The following DUSP22 variants were observed in gnomAD, a reference collection of about 807,000 sequenced individuals.
The protein encoded by DUSP22 is dual specificity phosphatase 22.
In DUSP22, 24 loss-of-function variants were observed where a neutral mutation model predicts 24.5. That is an observed-to-expected ratio of 0.98 (90% CI 0.71 to 1.38). DUSP22 has a LOEUF of 1.38. DUSP22 is among the 40% of genes most tolerant of loss of function. The pLI, the probability that DUSP22 is intolerant of heterozygous loss-of-function variation, is 0.00. For missense variants in DUSP22, 330 were observed against 269.2 expected (o/e 1.23, Z -1.58); for synonymous variants, 160 against 106.4 (o/e 1.50, Z -3.10).
chr6:350,653 T>TAA lies in DUSP22; in HGVS notation c.*1704_*1705dup. On this transcript the variant is annotated 3_prime_UTR_variant, in exon 7 of 7. Coordinates refer to ENST00000419235, the MANE Select transcript of DUSP22 (RefSeq NM_001286555.3). ...GTCTACAGCTAAAACAATTTGCCAA[T>TAA]AAAGTACATGTTTTTCCTAAGCCAA... The TAA allele has an allele frequency of 6.7e-7, 1 of 1,502,820 alleles. No individual in the cohort carries two copies. The highest frequency in any genetic ancestry group is 8.9e-7 in the Non-Finnish European group (1 of 1,126,576). 93.1% of individuals were successfully genotyped at this position (1,502,820 alleles called of 1,614,324 possible). A position where few individuals can be genotyped will look rare whatever the true frequency, so the allele number is the denominator to read the frequency against.
At chr6:332,817 G>A (rs1239313804) in intron 3 of DUSP22, among the ~76,000 whole-genome samples, 2 of 152,298 alleles carry the variant, frequency 1.3e-5, no homozygotes, top group African/African-American at 4.8e-5. Flanking sequence ...AAGGGAAGGT[G>A]GGAACTTGAG....
intron 1 of DUSP22, among the ~76,000 whole-genome samples, chr6:302,796 G>T (rs1193272442): frequency 6.6e-6 from 1 of 152,298 alleles, no homozygotes; most frequent in African/African-American, 2.4e-5. Flanking sequence ...CTCTATTCGA[G>T]ACCATCACAA....
chr6:311,403 G>GGGCGCGGTGGCTC (rs1308548978), intron 2 of DUSP22, among the ~76,000 whole-genome samples: 1 of 152,308 alleles, frequency 6.6e-6, no homozygotes, highest in Admixed American at 6.5e-5. Context: ...AGGCAAGGCC[G>GGGCGCGGTGGCTC]GGCGCGGTGG....
At chr6:342,819 T>A (rs1759671702) in intron 4 of DUSP22, among the ~76,000 whole-genome samples, 1 of 152,308 alleles carries the variant, frequency 6.6e-6, no homozygotes, top group Non-Finnish European at 1.5e-5. Context: ...TTTCCATTGC[T>A]TCAACATGGA....
chr6:338,236 C>T (rs1204763441), intron 4 of DUSP22, among the ~76,000 whole-genome samples: 1 of 152,304 alleles, frequency 6.6e-6, no homozygotes, highest in African/African-American at 2.4e-5. Flanking sequence ...GCTTGCTGTA[C>T]TAAAGTTATG....
intron 3 of DUSP22, among the ~76,000 whole-genome samples, chr6:329,110 G>T (rs1460756072): frequency 6.6e-6 from 1 of 152,300 alleles, no homozygotes; most frequent in African/African-American, 2.4e-5. Context: ...AAGACACCTT[G>T]CAAAGAGGAG....
chr6:322,710 C>G (rs963125210), intron 3 of DUSP22, among the ~76,000 whole-genome samples: 1 of 151,696 alleles, frequency 6.6e-6, no homozygotes, highest in Non-Finnish European at 1.5e-5. Flanking sequence ...TTTCTTGTTC[C>G]GGGTCGGGAC....
chr6:331,061 C>G (rs1581177627), intron 3 of DUSP22, among the ~76,000 whole-genome samples: 3 of 152,426 alleles, frequency 2.0e-5, no homozygotes, highest in African/African-American at 7.2e-5. Flanking sequence ...CTTTCTTTGT[C>G]CTCATAGAAA....
chr6:328,881 C>T (rs914470978), intron 3 of DUSP22, among the ~76,000 whole-genome samples: 97 of 152,388 alleles, frequency 6.4e-4, no homozygotes, highest in African/African-American at 2.1e-3. Flanking sequence ...ACTTCCAGTA[C>T]TTAGTCCATA....
chr6:334,019 C>G (rs1223381180), intron 3 of DUSP22, among the ~76,000 whole-genome samples: 1 of 152,306 alleles, frequency 6.6e-6, no homozygotes, highest in Admixed American at 6.5e-5. Context: ...CACAGAAATT[C>G]CTAACAATAG....
chr6:308,058 G>A (rs566248171), intron 2 of DUSP22, among the ~76,000 whole-genome samples: 2 of 152,304 alleles, frequency 1.3e-5, no homozygotes, highest in African/African-American at 2.4e-5. Context: ...CGCTGGCACC[G>A]GGCCAAAGGT....
chr6:315,503 C>A (rs565222342), intron 3 of DUSP22, among the ~76,000 whole-genome samples: 1 of 152,428 alleles, frequency 6.6e-6, no homozygotes, highest in East Asian at 1.9e-4. Flanking sequence ...TCTGTTCTCT[C>A]CTAGCACGAC....
At chr6:304,555 G>T (rs1757734963) in intron 1 of DUSP22, 73 bp from the exon 2 acceptor site, 1 of 1,605,156 alleles carries the variant, frequency 6.2e-7, no homozygotes, top group East Asian at 2.2e-5. Context: ...CCTGCTGCTG[G>T]ATGAGGCCCC....
At chr6:332,414 G>A (rs1759180504) in intron 3 of DUSP22, among the ~76,000 whole-genome samples, 1 of 152,298 alleles carries the variant, frequency 6.6e-6, no homozygotes, top group South Asian at 2.1e-4. Context: ...TGGAGAGATA[G>A]CCTTTGCCGT....
At chr6:330,686 ACTCAGGCAGCT>A (rs1222658068) in intron 3 of DUSP22, among the ~76,000 whole-genome samples, 2 of 152,306 alleles carry the variant, frequency 1.3e-5, no homozygotes, top group African/African-American at 4.8e-5. Flanking sequence ...GAGAAGATGG[ACTCAGGCAGCT>A]CTAAGCTCTG....
Position 292,575 on chromosome 6 carries a change from C to A in DUSP22, c.21+15C>A, listed in dbSNP as rs768671525. 4 of 1,595,166 alleles carry A rather than the reference C, an allele frequency of 2.5e-6. No homozygotes were observed. In the Admixed American group the frequency reaches 5.3e-5, roughly 21 times the overall value. Reference sequence around the variant, plus strand: ...GGATGAACAAGGTAACGTCTTCCCTCGTTCGCGCTGGGTTTGCCTCCGCTC... The same window carrying A: ...GGATGAACAAGGTAACGTCTTCCCTAGTTCGCGCTGGGTTTGCCTCCGCTC... On this transcript the variant is annotated intron_variant, in intron 1 of 6. Coordinates refer to ENST00000419235, the MANE Select transcript of DUSP22 (RefSeq NM_001286555.3).
At chr6:300,642 G>T (rs956288284) in intron 1 of DUSP22, among the ~76,000 whole-genome samples, 1 of 152,304 alleles carries the variant, frequency 6.6e-6, no homozygotes, top group Non-Finnish European at 1.5e-5. Context: ...TCTCTGGAGG[G>T]TTCCTGGTTG....
At chr6:311,628 C>A (rs577403887) in intron 2 of DUSP22, among the ~76,000 whole-genome samples, 34 of 152,280 alleles carry the variant, frequency 2.2e-4, no homozygotes, top group African/African-American at 8.2e-4. Context: ...TGCAGTGAGC[C>A]GAGATGGCGC....
rs756875886 is a variant in DUSP22 at position 348,748 on chromosome 6, G to A, written c.436-21G>A. The stretch of plus-strand genomic sequence containing the variant: ...CGTGCACATGTGTGTGACGTTTCGG[G>A]TTTGTTTCCATCCTCTCCAGTATCG... On this transcript the variant is annotated intron_variant, in intron 6 of 6. Coordinates refer to ENST00000419235, the MANE Select transcript of DUSP22 (RefSeq NM_001286555.3). The A allele has an allele frequency of 1.9e-6, 3 of 1,614,070 alleles. No homozygotes were observed. In the South Asian group the frequency reaches 3.3e-5, roughly 18 times the overall value.
Sources: allele counts gnomAD v4.1 joint callset (sites outside exome capture counted in the v4.1 genomes callset), GRCh38; gene constraint gnomAD v4.1.1; transcripts MANE v1.5; gene names NCBI Gene and HGNC (gene_info 2026-07-23, HGNC 2026-07-21).